The following ARHGAP15 variants were observed in gnomAD, a reference collection of about 807,000 sequenced individuals.
ARHGAP15 encodes the protein Rho GTPase activating protein 15, also known as rho GTPase-activating protein 15.
A neutral mutation model predicts 63.7 loss-of-function variants in ARHGAP15; 51 were observed. The observed-to-expected ratio is 0.80, with a 90% confidence interval of 0.64 to 1.01. The LOEUF (loss-of-function observed/expected upper bound fraction) is 1.01, where lower values mean the gene tolerates loss of function less well. Among genes scored for constraint, ARHGAP15 ranks in the 50% least tolerant of loss-of-function variants. ARHGAP15 has a pLI of 0.00. For synonymous variants in ARHGAP15, 191 were observed against 193.8 expected, an observed-to-expected ratio of 0.99 and a Z score of 0.12; for missense variants, 560 against 564.6, an observed-to-expected ratio of 0.99 and a Z score of 0.08.
intron 6 of ARHGAP15, among the ~76,000 whole-genome samples, chr2:143,313,069 G>C (rs945874862): frequency 2.0e-5 from 3 of 151,990 alleles, no homozygotes; most frequent in African/African-American, 4.8e-5. Context: ...AAAGAGTATA[G>C]AATTTTCAAG....
chr2:143,660,253 T>G (rs764716138), intron 12 of ARHGAP15, among the ~76,000 whole-genome samples: 4 of 152,196 alleles, frequency 2.6e-5, no homozygotes, highest in Non-Finnish European at 4.4e-5. Flanking sequence ...CTCCTCCACA[T>G]TCTGTATAAT....
At position 143,718,570 on chromosome 2, in the gene ARHGAP15, G is replaced by C. The variant is rs1383491310; in HGVS notation, c.1244+15046G>C. On this transcript the variant is annotated intron_variant, in intron 13 of 13. Coordinates refer to ENST00000295095, the MANE Select transcript of ARHGAP15 (RefSeq NM_018460.4). ...ACTACATTATTGCCCTTGGTATAGAGGTTCCTGTATCTTATTTCTGGTCAT... is the reference window on the plus strand; with the variant it reads ...ACTACATTATTGCCCTTGGTATAGACGTTCCTGTATCTTATTTCTGGTCAT... 2.0e-5 allele frequency among the ~76,000 whole-genome samples: 3 copies of C among 152,214 alleles called. No homozygotes were observed. The East Asian group carries it at 5.8e-4, about 29-fold the overall frequency.
chr2:143,200,348 C>A (rs1283347117), intron 2 of ARHGAP15, among the ~76,000 whole-genome samples: 1 of 150,312 alleles, frequency 6.7e-6, no homozygotes, highest in African/African-American at 2.4e-5. Context: ...TGTATAGAGT[C>A]GTGGAATTTT....
rs548461770 is a variant in ARHGAP15 at position 143,448,013 on chromosome 2, G to A, written c.703+10971G>A. On this transcript the variant is annotated intron_variant, in intron 8 of 13. Transcript: ENST00000295095. ...GGGCTGGCAGAAGAGAGCCAGGGAA[G>A]AGAACATACCTATGAAGGAGAATAA... is the stretch of plus-strand genomic sequence containing the variant. Among the ~76,000 whole-genome samples, 3 of 152,268 alleles carry A rather than the reference G, an allele frequency of 2.0e-5. No individual in the cohort carries two copies. The East Asian group carries it at 5.8e-4, about 29-fold the overall frequency.
At chr2:143,521,591 T>C (rs1428426691) in intron 10 of ARHGAP15, among the ~76,000 whole-genome samples, 1 of 152,004 alleles carries the variant, frequency 6.6e-6, no homozygotes, top group Non-Finnish European at 1.5e-5. Flanking sequence ...CATATCTGGA[T>C]CCCTCCTTCT....
chr2:143,416,829 A>ACC (rs1558957138), intron 6 of ARHGAP15, among the ~76,000 whole-genome samples: 108 of 104,762 alleles, frequency 1.0e-3, no homozygotes, highest in Non-Finnish European at 1.3e-3. Flanking sequence ...CCACCCCCCC[A>ACC]CCCCCACGCC....
chr2:143,587,622 G>T, intron 11 of ARHGAP15: 1 of 418,550 alleles, frequency 2.4e-6, no homozygotes, highest in South Asian at 1.8e-5. Flanking sequence ...TGCTTTAGTT[G>T]GCTTTTCCCT....
intron 2 of ARHGAP15, among the ~76,000 whole-genome samples, chr2:143,186,217 T>C (rs776945684): frequency 5.9e-5 from 9 of 152,230 alleles, no homozygotes; most frequent in Non-Finnish European, 1.3e-4. Context: ...TCTTTGTTTA[T>C]GAATAAAATT....
chr2:143,722,745 G>A (rs1163151178), intron 13 of ARHGAP15, among the ~76,000 whole-genome samples: 2 of 152,220 alleles, frequency 1.3e-5, no homozygotes, highest in Non-Finnish European at 2.9e-5. Flanking sequence ...GATGTTCCAT[G>A]GAGTGGCTGG....
At chr2:143,312,650 C>A (rs1214175106) in intron 6 of ARHGAP15, among the ~76,000 whole-genome samples, 10 of 152,070 alleles carry the variant, frequency 6.6e-5, no homozygotes, top group African/African-American at 2.4e-4. Flanking sequence ...ACAGATGGAA[C>A]AAGAAATTAA....
chr2:143,333,889 A>C (rs545035778), intron 6 of ARHGAP15, among the ~76,000 whole-genome samples: 161 of 152,356 alleles, frequency 1.1e-3, no homozygotes, highest in Non-Finnish European at 2.1e-4. Flanking sequence ...TGCTATTCAA[A>C]AATTGTTTCT....
At chr2:143,203,520 G>T (rs565182931) in intron 3 of ARHGAP15, among the ~76,000 whole-genome samples, 1 of 152,038 alleles carries the variant, frequency 6.6e-6, no homozygotes, top group East Asian at 1.9e-4. Context: ...TTGCCTAGTG[G>T]GTACAATGCT....
chr2:143,691,950 G>GGTTTT (rs1683619590), intron 12 of ARHGAP15, among the ~76,000 whole-genome samples: 1 of 152,222 alleles, frequency 6.6e-6, no homozygotes, highest in African/African-American at 2.4e-5. Context: ...GCCAATGCCA[G>GGTTTT]ATGATGGAAT....
intron 6 of ARHGAP15, among the ~76,000 whole-genome samples, chr2:143,352,092 A>G (rs1574319736): frequency 2.0e-5 from 3 of 152,182 alleles, no homozygotes; most frequent in South Asian, 4.1e-4. Flanking sequence ...CAACATTACA[A>G]TTCTTTGTAG....
chr2:143,496,554 A>AT (rs1330377702), intron 9 of ARHGAP15, among the ~76,000 whole-genome samples: 4 of 152,154 alleles, frequency 2.6e-5, no homozygotes, highest in Non-Finnish European at 5.9e-5. Flanking sequence ...CATACACTTG[A>AT]TTTTTTTAAC....
chr2:143,677,597 T>C (rs1250775671), intron 12 of ARHGAP15, among the ~76,000 whole-genome samples: 2 of 152,208 alleles, frequency 1.3e-5, no homozygotes, highest in Non-Finnish European at 2.9e-5. Context: ...TTAGATCAAG[T>C]ACTTGTTGAA....
At chr2:143,760,385 A>T (rs546204382) in intron 13 of ARHGAP15, among the ~76,000 whole-genome samples, 2 of 152,272 alleles carry the variant, frequency 1.3e-5, no homozygotes, top group African/African-American at 4.8e-5. Context: ...ATTATCTACT[A>T]TGTCAGGGTT....
intron 8 of ARHGAP15, among the ~76,000 whole-genome samples, chr2:143,445,114 G>A (rs1239600247): frequency 6.7e-6 from 1 of 148,740 alleles, no homozygotes; most frequent in Non-Finnish European, 1.5e-5. Flanking sequence ...TGTCAGATAA[G>A]GTCTTCTCCA....
At chr2:143,236,201 G>T (rs1693638069) in intron 5 of ARHGAP15, 2 of 402,972 alleles carry the variant, frequency 5.0e-6, no homozygotes, top group Non-Finnish European at 8.7e-6. Flanking sequence ...TATGATCCCT[G>T]CTCTTAAAGT....
Sources: allele counts gnomAD v4.1 joint callset (sites outside exome capture counted in the v4.1 genomes callset), GRCh38; gene constraint gnomAD v4.1.1; transcripts MANE v1.5; gene names NCBI Gene and HGNC (gene_info 2026-07-23, HGNC 2026-07-21).